ODAD2: variants seen among roughly 807,000 people sequenced by gnomAD.
ODAD2 encodes outer dynein arm docking complex subunit 2.
Under a neutral mutation model 106.8 loss-of-function variants are expected in ODAD2, and 89 were observed. The ratio of observed to expected loss-of-function variants is 0.83; its 90% CI spans 0.70 to 0.99. ODAD2 has a LOEUF of 0.99. Ranked by LOEUF, ODAD2 falls within the 50% of genes least tolerant of loss-of-function variation. The probability of loss-of-function intolerance (pLI) is 0.00; values close to 1 mark genes in which losing one functional copy is unlikely to be tolerated. For missense variants in ODAD2, 1,168 were observed against 1,238.5 expected (o/e 0.94, Z 0.85); for synonymous variants, 404 against 436.2 (o/e 0.93, Z 0.92).
intron 16 of ODAD2, among the ~76,000 whole-genome samples, chr10:27,924,887 A>C (rs893489829): frequency 4.6e-5 from 7 of 151,646 alleles, no homozygotes; most frequent in Non-Finnish European, 8.8e-5. Context: ...ATAATTTTTT[A>C]AAAAACTGTA....
At chr10:27,932,742 A>T (rs916192426) in intron 16 of ODAD2, among the ~76,000 whole-genome samples, 9 of 151,686 alleles carry the variant, frequency 5.9e-5, no homozygotes, top group Non-Finnish European at 2.9e-5. Flanking sequence ...AAAGTAACCA[A>T]CTCCCACCCA....
intron 10 of ODAD2, among the ~76,000 whole-genome samples, chr10:27,945,821 G>A (rs2132647194): frequency 6.6e-6 from 1 of 151,686 alleles, no homozygotes; most frequent in East Asian, 1.9e-4. Flanking sequence ...GCTGATAAGA[G>A]TTCTGGCATC....
At chr10:27,930,904 G>T (rs1845570654) in intron 16 of ODAD2, among the ~76,000 whole-genome samples, 1 of 152,128 alleles carries the variant, frequency 6.6e-6, no homozygotes, top group Admixed American at 6.5e-5. Flanking sequence ...TTCTTTTTGT[G>T]TTACAATCTG....
intron 16 of ODAD2, among the ~76,000 whole-genome samples, chr10:27,927,077 G>A (rs1845307108): frequency 6.6e-6 from 1 of 152,056 alleles, no homozygotes; most frequent in Non-Finnish European, 1.5e-5. Flanking sequence ...TTTAAAAGAA[G>A]TAGTCTGGAG....
chr10:27,885,573 T>C (rs1351602017), intron 17 of ODAD2, among the ~76,000 whole-genome samples: 1 of 70,676 alleles, frequency 1.4e-5, no homozygotes, highest in African/African-American at 6.0e-5. Context: ...AATATATATA[T>C]ATATAAATAT....
chr10:27,856,945 C>T (rs370683536), intron 19 of ODAD2, among the ~76,000 whole-genome samples: 5 of 151,896 alleles, frequency 3.3e-5, no homozygotes, highest in East Asian at 3.9e-4. Context: ...CCAGCCTGGA[C>T]GACAAGACCG....
At chr10:27,865,238 C>A (rs1439633264) in intron 17 of ODAD2, among the ~76,000 whole-genome samples, 2 of 152,168 alleles carry the variant, frequency 1.3e-5, no homozygotes, top group African/African-American at 4.8e-5. Context: ...ATAATAAGAA[C>A]CCTGGCACTC....
intron 2 of ODAD2, among the ~76,000 whole-genome samples, chr10:27,992,041 T>TGAAC (rs1850266606): frequency 1.3e-5 from 2 of 152,230 alleles, no homozygotes; most frequent in Non-Finnish European, 1.5e-5. Context: ...TATGGGTTAC[T>TGAAC]GAACTTTCTT....
chr10:27,866,225 C>T (rs967443068), intron 17 of ODAD2, among the ~76,000 whole-genome samples: 1 of 152,076 alleles, frequency 6.6e-6, no homozygotes, highest in Non-Finnish European at 1.5e-5. Context: ...GTAGATGGAG[C>T]TTTAGTATTT....
chr10:27,827,350 T>G (rs1052382830), intron 19 of ODAD2, among the ~76,000 whole-genome samples: 1 of 141,952 alleles, frequency 7.0e-6, no homozygotes, highest in African/African-American at 2.7e-5. Flanking sequence ...CATATATACA[T>G]AGCAGACACA....
intron 10 of ODAD2, among the ~76,000 whole-genome samples, chr10:27,952,271 T>A (rs1007960209): frequency 6.6e-6 from 1 of 151,788 alleles, no homozygotes; most frequent in East Asian, 1.9e-4. Context: ...ATATGAAAAT[T>A]CAAACAAGGT....
At chr10:27,885,766 AT>A (rs1408962405) in intron 17 of ODAD2, among the ~76,000 whole-genome samples, 50 of 59,454 alleles carry the variant, frequency 8.4e-4, no homozygotes, top group African/African-American at 3.2e-3. Flanking sequence ...TATTTTATAT[AT>A]ATTATATAAA....
At chr10:27,827,375 C>T (rs1266534041) in intron 19 of ODAD2, among the ~76,000 whole-genome samples, 2 of 72,354 alleles carry the variant, frequency 2.8e-5, no homozygotes, top group African/African-American at 9.6e-5. Flanking sequence ...TACACACACA[C>T]ACACTATATA....
At chr10:27,982,412 T>C (rs1237399053) in intron 6 of ODAD2, among the ~76,000 whole-genome samples, 1 of 152,164 alleles carries the variant, frequency 6.6e-6, no homozygotes, top group Admixed American at 6.6e-5. Context: ...TAACCTTTGA[T>C]AGAAATAAAG....
At chr10:27,890,772 A>T (rs1396427681) in intron 17 of ODAD2, among the ~76,000 whole-genome samples, 13 of 14,102 alleles carry the variant, frequency 9.2e-4, no homozygotes, top group Non-Finnish European at 1.5e-3. Flanking sequence ...ATATATATTT[A>T]AAAAAAAAAA....
intron 17 of ODAD2, among the ~76,000 whole-genome samples, chr10:27,892,189 C>A (rs1336916000): frequency 6.6e-6 from 1 of 152,148 alleles, no homozygotes; most frequent in Non-Finnish European, 1.5e-5. Flanking sequence ...GAGGTCGAAT[C>A]TTAGGATCTC....
At chr10:27,956,320 G>A (rs1704663213) in intron 10 of ODAD2, among the ~76,000 whole-genome samples, 1 of 152,022 alleles carries the variant, frequency 6.6e-6, no homozygotes, top group South Asian at 2.1e-4. Flanking sequence ...CCTGGACTCT[G>A]ATCAAAATCC....
At chr10:27,979,209 G>T (rs1383646870) in intron 7 of ODAD2, among the ~76,000 whole-genome samples, 1 of 139,010 alleles carries the variant, frequency 7.2e-6, no homozygotes, top group Admixed American at 7.5e-5. Context: ...GTGACAGAGT[G>T]AGATGGAGTG....
chr10:27,921,735 C>CA (rs201152921), intron 16 of ODAD2, among the ~76,000 whole-genome samples: 217 of 117,102 alleles, frequency 1.9e-3, no homozygotes, highest in African/African-American at 2.5e-3. Context: ...ATCCCCAGTC[C>CA]AAAAAAAAAA....
Sources: allele counts gnomAD v4.1 joint callset (sites outside exome capture counted in the v4.1 genomes callset), GRCh38; gene constraint gnomAD v4.1.1; transcripts MANE v1.5; gene names NCBI Gene and HGNC (gene_info 2026-07-23, HGNC 2026-07-21).